Variants in AGBL4 observed in about 807,000 individuals in gnomAD.
AGBL4 encodes AGBL carboxypeptidase 4, also known as cytosolic carboxypeptidase 6.
AGBL4 carries 58 observed loss-of-function variants against 66.4 expected under a neutral mutation model. The ratio of observed to expected loss-of-function variants is 0.87; its 90% CI spans 0.71 to 1.09. AGBL4 has a LOEUF of 1.09. AGBL4 is among the 50% of genes least tolerant of loss of function. The pLI, the probability that AGBL4 is intolerant of heterozygous loss-of-function variation, is 0.00. For missense variants in AGBL4, 579 were observed against 631.0 expected (o/e 0.92, Z 0.88); for synonymous variants, 234 against 222.9 (o/e 1.05, Z -0.44).
intron 1 of AGBL4, among the ~76,000 whole-genome samples, chr1:49,899,725 C>T (rs1352543432): frequency 3.9e-5 from 6 of 152,174 alleles, no homozygotes; most frequent in African/African-American, 9.6e-5. Context: ...TAATTGGTGT[C>T]GTACATAAAA....
chr1:50,019,387 C>T (rs1003829884), intron 1 of AGBL4, among the ~76,000 whole-genome samples: 7 of 150,394 alleles, frequency 4.7e-5, no homozygotes, highest in African/African-American at 1.7e-4. Flanking sequence ...GGGTGTAAGA[C>T]ATTGTATACT....
chr1:49,691,589 A>G (rs1407278727), intron 3 of AGBL4: 1 of 152,226 alleles, frequency 6.6e-6, no homozygotes, highest in Non-Finnish European at 1.5e-5. Context: ...TCTACCAAAC[A>G]CTATGGTAGT....
At chr1:49,186,087 T>A (rs1206640436) in intron 4 of AGBL4, among the ~76,000 whole-genome samples, 1 of 152,118 alleles carries the variant, frequency 6.6e-6, no homozygotes, top group Non-Finnish European at 1.5e-5. Context: ...AATCTGGGCA[T>A]AATTTGGCCA....
intron 6 of AGBL4, among the ~76,000 whole-genome samples, chr1:48,809,677 A>C (rs1444593415): frequency 1.3e-5 from 2 of 152,146 alleles, no homozygotes; most frequent in African/African-American, 4.8e-5. Flanking sequence ...TTGTGCCTGC[A>C]GGCTGTTCAA....
chr1:49,637,000 A>T (rs1375649452), intron 3 of AGBL4, among the ~76,000 whole-genome samples: 1 of 152,200 alleles, frequency 6.6e-6, no homozygotes, highest in Non-Finnish European at 1.5e-5. Context: ...TGCGGCTAGA[A>T]TATAAAGCAG....
At chr1:48,539,789 T>G in intron 11 of AGBL4, 51 bp from the exon 12 acceptor site, 1 of 1,248,690 alleles carries the variant, frequency 8.0e-7, no homozygotes, top group Non-Finnish European at 1.1e-6. Context: ...TGAGACAGAG[T>G]GAAAAGAGAA....
chr1:49,739,533 C>G (rs1183042971), intron 2 of AGBL4, among the ~76,000 whole-genome samples: 1 of 152,128 alleles, frequency 6.6e-6, no homozygotes, highest in African/African-American at 2.4e-5. Context: ...GGCCAACATT[C>G]AGATTCAGGA....
intron 3 of AGBL4, among the ~76,000 whole-genome samples, chr1:49,581,839 A>T (rs1156337818): frequency 6.6e-6 from 1 of 152,064 alleles, no homozygotes; most frequent in East Asian, 1.9e-4. Flanking sequence ...CTTGCATGTC[A>T]ATTGTAGTAG....
At chr1:48,984,330 A>G (rs558977828) in intron 5 of AGBL4, among the ~76,000 whole-genome samples, 11 of 151,496 alleles carry the variant, frequency 7.3e-5, no homozygotes, top group Admixed American at 2.0e-4. Context: ...AGGACTAGGA[A>G]TGTAGCCCTC....
intron 3 of AGBL4, among the ~76,000 whole-genome samples, chr1:49,561,449 C>T (rs1644041155): frequency 1.3e-5 from 2 of 151,916 alleles, no homozygotes; most frequent in East Asian, 1.9e-4. Context: ...TAATGCTATC[C>T]GTCCCCCCTC....
intron 6 of AGBL4, among the ~76,000 whole-genome samples, chr1:48,669,105 C>G (rs1350550549): frequency 6.6e-6 from 1 of 152,172 alleles, no homozygotes; most frequent in Non-Finnish European, 1.5e-5. Context: ...GCTGACTTCC[C>G]TGGGTAGATG....
chr1:48,822,977 G>A (rs539317749), intron 6 of AGBL4, among the ~76,000 whole-genome samples: 49 of 152,298 alleles, frequency 3.2e-4, no homozygotes, highest in African/African-American at 1.1e-3. Flanking sequence ...GCAAACCTAG[G>A]TCTCATGGTC....
At chr1:49,233,648 C>G (rs183025661) in intron 4 of AGBL4, among the ~76,000 whole-genome samples, 8 of 152,076 alleles carry the variant, frequency 5.3e-5, no homozygotes, top group African/African-American at 1.9e-4. Context: ...GCAGAGTAAG[C>G]TAAGTGCCAT....
At chr1:49,028,504 C>A (rs1663920125) in intron 5 of AGBL4, among the ~76,000 whole-genome samples, 1 of 152,120 alleles carries the variant, frequency 6.6e-6, no homozygotes, top group African/African-American at 2.4e-5. Context: ...TCATGGAGAT[C>A]CACAATCAGG....
At chr1:48,580,862 C>T (rs1027285971) in intron 11 of AGBL4, among the ~76,000 whole-genome samples, 1 of 152,178 alleles carries the variant, frequency 6.6e-6, no homozygotes, top group East Asian at 1.9e-4. Context: ...CAGCTACCCT[C>T]CAATCCTTTG....
intron 8 of AGBL4, among the ~76,000 whole-genome samples, chr1:48,646,835 A>G (rs1269556570): frequency 1.3e-5 from 2 of 152,074 alleles, no homozygotes; most frequent in Non-Finnish European, 2.9e-5. Context: ...TAGGAGCATC[A>G]TACTACCTCC....
chr1:48,652,498 T>C (rs996063929), intron 8 of AGBL4, among the ~76,000 whole-genome samples: 1 of 152,134 alleles, frequency 6.6e-6, no homozygotes, highest in African/African-American at 2.4e-5. Context: ...TGAGGCAGGA[T>C]GGTGGACACA....
intron 1 of AGBL4, among the ~76,000 whole-genome samples, chr1:49,914,996 A>G (rs755760129): frequency 6.6e-6 from 1 of 152,204 alleles, no homozygotes; most frequent in Non-Finnish European, 1.5e-5. Flanking sequence ...ATATTACAAT[A>G]GCAATTAAAT....
intron 4 of AGBL4, among the ~76,000 whole-genome samples, chr1:49,212,383 C>A (rs569122014): frequency 1.1e-4 from 17 of 152,166 alleles, no homozygotes; most frequent in Admixed American, 1.1e-3. Flanking sequence ...AAATAAGTGG[C>A]CATTGAATAA....
Sources: allele counts gnomAD v4.1 joint callset (sites outside exome capture counted in the v4.1 genomes callset), GRCh38; gene constraint gnomAD v4.1.1; transcripts MANE v1.5; gene names NCBI Gene and HGNC (gene_info 2026-07-23, HGNC 2026-07-21).